The following ATP9B variants were observed in gnomAD, a reference collection of about 807,000 sequenced individuals.
ATP9B encodes the protein ATPase phospholipid transporting 9B.
ATP9B carries 110 observed loss-of-function variants against 146.1 expected under a neutral mutation model. That is an observed-to-expected ratio of 0.75 (90% CI 0.65 to 0.88). The LOEUF (loss-of-function observed/expected upper bound fraction) is 0.88, where lower values mean the gene tolerates loss of function less well. Among genes scored for constraint, ATP9B ranks in the 40% least tolerant of loss-of-function variants. ATP9B has a pLI of 0.00. For synonymous variants in ATP9B, 604 were observed against 569.7 expected, an observed-to-expected ratio of 1.06 and a Z score of -0.86; for missense variants, 1,499 against 1,496.4, an observed-to-expected ratio of 1.00 and a Z score of -0.03.
intron 15 of ATP9B, among the ~76,000 whole-genome samples, chr18:79,314,268 G>C (rs1301557737): frequency 2.0e-5 from 3 of 152,074 alleles, no homozygotes; most frequent in African/African-American, 7.2e-5. Flanking sequence ...GTGTCATCTC[G>C]GTCTTTAGGA....
intron 15 of ATP9B, among the ~76,000 whole-genome samples, chr18:79,310,801 C>G (rs1330173516): frequency 6.6e-6 from 1 of 151,368 alleles, no homozygotes; most frequent in Non-Finnish European, 1.5e-5. Flanking sequence ...TTTTTTGTTT[C>G]CTTTTTAAAA....
At chr18:79,323,568 T>C (rs1205738418) in intron 15 of ATP9B, among the ~76,000 whole-genome samples, 1 of 152,232 alleles carries the variant, frequency 6.6e-6, no homozygotes, top group East Asian at 1.9e-4. Context: ...TGTTTGTCTT[T>C]CTGTGCCCGG....
intron 7 of ATP9B, among the ~76,000 whole-genome samples, chr18:79,172,130 G>A (rs888112586): frequency 6.6e-6 from 1 of 152,140 alleles, no homozygotes; most frequent in East Asian, 1.9e-4. Context: ...CTCATGATCC[G>A]CCCACCTCAA....
chr18:79,321,276 G>A (rs2096714372), intron 15 of ATP9B, among the ~76,000 whole-genome samples: 2 of 152,196 alleles, frequency 1.3e-5, no homozygotes, highest in South Asian at 4.1e-4. Context: ...AGGAGGACCA[G>A]GTCTGCGTGA....
chr18:79,163,843 ATATTT>A lies in ATP9B; in HGVS notation c.778+9295_778+9299del, dbSNP rs575227356. On this transcript the variant is annotated intron_variant, in intron 7 of 29. Transcript: ENST00000426216. ...TAGGAATAGTTGTTTTAATATTTTT[ATATTT>A]TATTTTCATATTTTATTTTATACAC... Among the ~76,000 whole-genome samples the A allele has an allele frequency of 4.0e-3, 597 of 148,242 alleles. 2 individuals are homozygous for A. Among genetic ancestry groups the A allele is most frequent in the African/African-American group, 0.014 (549 of 40,474 alleles).
intron 13 of ATP9B, among the ~76,000 whole-genome samples, chr18:79,296,398 T>C (rs1238489318): frequency 1.3e-5 from 2 of 152,242 alleles, no homozygotes; most frequent in East Asian, 1.9e-4. Context: ...TGTGGTTTTT[T>C]CCTAAAGATC....
chr18:79,279,368 C>T lies in ATP9B; in HGVS notation c.1411+2172C>T, dbSNP rs116192542. Among the ~76,000 whole-genome samples, 1,001 of 152,272 alleles carry T rather than the reference C, an allele frequency of 6.6e-3. 5 individuals are homozygous for T. Among genetic ancestry groups the T allele is most frequent in the African/African-American group, 0.023 (936 of 41,540 alleles). On this transcript the variant is annotated intron_variant, in intron 13 of 29. Transcript: ENST00000426216. The stretch of plus-strand genomic sequence containing the variant: ...TTTATGGAACTTCAGAAGAAACCCA[C>T]CCCAGCTTACTTTACAAACAACTTA...
chr18:79,132,320 T>C (rs73971379), intron 5 of ATP9B, among the ~76,000 whole-genome samples: 3,168 of 152,326 alleles, frequency 0.021, 106 homozygotes, highest in African/African-American at 0.07. Flanking sequence ...ATAATGATAA[T>C]GATAGCTACT....
intron 11 of ATP9B, among the ~76,000 whole-genome samples, chr18:79,231,803 T>TATATATACACACACAC (rs569726473): frequency 8.7e-6 from 1 of 114,760 alleles, no homozygotes; most frequent in African/African-American, 3.4e-5. Context: ...TATATATATA[T>TATATATACACACACAC]ACACACACAC....
intron 7 of ATP9B, among the ~76,000 whole-genome samples, chr18:79,155,692 A>G (rs1044071593): frequency 2.0e-5 from 3 of 147,716 alleles, no homozygotes; most frequent in Non-Finnish European, 3.0e-5. Context: ...ATTTTTCTGT[A>G]TTTATAAACA....
Position 79,307,210 on chromosome 18 carries a change from C to G in ATP9B, c.1749C>G (p.Thr583=). The part of the protein sequence containing the change: ...ADQDFSDENR[T]YQASSPDEVA... ...AAGACTTCAGTGATGAGAATCGCAC[C>G]TACCAGGCTTCCAGCCCGGATGAGG... The change falls in exon 15 of 30, where the codon ACC becomes ACG. Residue 583 remains threonine (T), a synonymous_variant. Transcript: ENST00000426216. The G allele has an allele frequency of 6.2e-7, 1 of 1,614,230 alleles. No homozygotes were observed. The highest frequency in any genetic ancestry group is 8.5e-7 in the Non-Finnish European group (1 of 1,180,038).
intron 2 of ATP9B, among the ~76,000 whole-genome samples, chr18:79,105,390 G>A (rs1276468103): frequency 6.6e-6 from 1 of 152,162 alleles, no homozygotes; most frequent in Non-Finnish European, 1.5e-5. Context: ...TATTATTAAT[G>A]AGTTGTAAAT....
chr18:79,106,175 G>A (rs2075637574), intron 2 of ATP9B, among the ~76,000 whole-genome samples: 1 of 152,096 alleles, frequency 6.6e-6, no homozygotes, highest in African/African-American at 2.4e-5. Context: ...TAAATATAAG[G>A]GGGAAAGTGT....
chr18:79,070,841 T>G (rs1170642379), intron 1 of ATP9B, among the ~76,000 whole-genome samples: 4 of 152,198 alleles, frequency 2.6e-5, no homozygotes, highest in Non-Finnish European at 5.9e-5. Flanking sequence ...GGATTAATGT[T>G]TGCATGGTAT....
At chr18:79,256,539 C>T (rs1416141469) in intron 12 of ATP9B, among the ~76,000 whole-genome samples, 1 of 150,454 alleles carries the variant, frequency 6.6e-6, no homozygotes, top group Non-Finnish European at 1.5e-5. Context: ...TTTTAAATTC[C>T]ATTTTTTCTT....
At chr18:79,373,029 C>A in intron 27 of ATP9B, 147 bp downstream of exon 27, 5 of 542,384 alleles carry the variant, frequency 9.2e-6, no homozygotes, top group Non-Finnish European at 1.6e-5. Flanking sequence ...TCTTGTAAAT[C>A]AATATTCCAG....
intron 1 of ATP9B, among the ~76,000 whole-genome samples, chr18:79,091,967 T>C (rs2074359009): frequency 6.6e-6 from 1 of 152,188 alleles, no homozygotes; most frequent in South Asian, 2.1e-4. Context: ...TAGATCTTAG[T>C]GGTGATTTGA....
intron 2 of ATP9B, among the ~76,000 whole-genome samples, chr18:79,096,898 T>C (rs1195671920): frequency 6.6e-6 from 1 of 152,214 alleles, no homozygotes; most frequent in Non-Finnish European, 1.5e-5. Flanking sequence ...GGCTCATGCC[T>C]GTAATCCTAG....
Position 79,096,498 on chromosome 18 carries a change from G to A in ATP9B, c.142G>A (p.Ala48Thr). The change falls in exon 2 of 30, where the codon GCG becomes ACG. Residue 48 changes from alanine to threonine, a missense_variant. Physicochemically the swap from Ala to Thr is moderately conservative, Grantham distance 58. Coordinates refer to ENST00000426216, the MANE Select transcript of ATP9B (RefSeq NM_198531.5). ...TAGGTACCAGCTGGAGGATGAGTCT[G>A]CGCATTTGGATGAAATGCCACTAAT... ...HSRYQLEDES[A>T]HLDEMPLMMS... 1 of 1,613,962 alleles carries A rather than the reference G, an allele frequency of 6.2e-7. No homozygotes were observed. Among genetic ancestry groups the A allele is most frequent in the Non-Finnish European group, 8.5e-7 (1 of 1,179,956 alleles).
Sources: gnomAD v4.1 joint callset for allele counts (sites outside exome capture counted in the v4.1 genomes callset) on GRCh38, gnomAD v4.1.1 for gene constraint, MANE v1.5 for transcripts, NCBI Gene and HGNC (gene_info 2026-07-23, HGNC 2026-07-21) for gene names.